Variants in MAPK1IP1L observed in about 807,000 individuals in gnomAD.
MAPK1IP1L encodes the protein MAPK-interacting and spindle-stabilizing protein-like.
A neutral mutation model predicts 18.1 loss-of-function variants in MAPK1IP1L; 10 were observed. The ratio of observed to expected loss-of-function variants is 0.55; its 90% CI spans 0.34 to 0.94. The LOEUF (loss-of-function observed/expected upper bound fraction) is 0.94. Ranked by LOEUF, MAPK1IP1L falls within the 40% of genes least tolerant of loss-of-function variation. The pLI is 0.02. For synonymous variants in MAPK1IP1L, 115 were observed against 117.3 expected, an observed-to-expected ratio of 0.98 and a Z score of 0.13; for missense variants, 260 against 318.2, an observed-to-expected ratio of 0.82 and a Z score of 1.39.
intron 1 of MAPK1IP1L, among the ~76,000 whole-genome samples, chr14:55,057,739 A>G (rs1337553516): frequency 6.6e-6 from 1 of 151,346 alleles, no homozygotes; most frequent in Non-Finnish European, 1.5e-5. Context: ...CTGGCGACAG[A>G]GCGAGACTCC....
chr14:55,055,263 G>A (rs1272736573), intron 1 of MAPK1IP1L, among the ~76,000 whole-genome samples: 3 of 152,154 alleles, frequency 2.0e-5, no homozygotes, highest in East Asian at 1.9e-4. Context: ...TACCAAGCGC[G>A]GCTTAGAATA....
At chr14:55,060,243 C>T (rs866982940) in intron 1 of MAPK1IP1L, 1 of 136,464 alleles carries the variant, frequency 7.3e-6, no homozygotes, top group Non-Finnish European at 1.5e-5. Flanking sequence ...GCAATCTCGG[C>T]TCACTGCAAG....
At chr14:55,057,527 G>A (rs1333390812) in intron 1 of MAPK1IP1L, among the ~76,000 whole-genome samples, 4 of 152,134 alleles carry the variant, frequency 2.6e-5, no homozygotes, top group Non-Finnish European at 4.4e-5. Flanking sequence ...GGGAGGCCAA[G>A]GTGGGCGGAT....
intron 1 of MAPK1IP1L, chr14:55,060,895 G>C (rs1428256056): frequency 2.6e-5 from 4 of 152,180 alleles, no homozygotes; most frequent in Non-Finnish European, 5.9e-5. Flanking sequence ...CCAATACTTT[G>C]GGAGGCTGAG....
chr14:55,056,778 G>A (rs997820971), intron 1 of MAPK1IP1L, among the ~76,000 whole-genome samples: 1 of 152,088 alleles, frequency 6.6e-6, no homozygotes, highest in Non-Finnish European at 1.5e-5. Flanking sequence ...CAAAGTGCTG[G>A]GATTACAGGC....
intron 1 of MAPK1IP1L, among the ~76,000 whole-genome samples, chr14:55,058,040 C>T (rs928528380): frequency 2.0e-5 from 3 of 152,174 alleles, no homozygotes; most frequent in Admixed American, 1.3e-4. Context: ...TGGCTGGAGC[C>T]TTTCTTGGCA....
At chr14:55,060,297 A>T (rs2042807568) in intron 1 of MAPK1IP1L, 2 of 150,118 alleles carry the variant, frequency 1.3e-5, no homozygotes, top group African/African-American at 4.9e-5. Context: ...TCAGCCTCCC[A>T]AGTAGCTGGG....
intron 2 of MAPK1IP1L, 29 bp from the exon 3 acceptor site, chr14:55,062,589 A>G: frequency 1.3e-6 from 2 of 1,559,496 alleles, no homozygotes; most frequent in Non-Finnish European, 1.7e-6. Flanking sequence ...TTCCCTAGAT[A>G]GGAAAGACGT....
In MAPK1IP1L at chr14:55,065,788, T is replaced by C. The variant is rs143268306; in HGVS notation, c.*1161T>C. On this transcript the variant is annotated 3_prime_UTR_variant, in exon 4 of 4. Transcript: ENST00000395468. ...CTACTGCATAGTTTCCTGAGTCTGTTTGTAAAGTGCTTATGGCTAACAGTT... is the reference window on the plus strand; with the variant it reads ...CTACTGCATAGTTTCCTGAGTCTGTCTGTAAAGTGCTTATGGCTAACAGTT... The C allele has an allele frequency of 3.5e-4, 53 of 152,350 alleles. No homozygotes were observed. Among genetic ancestry groups the C allele is most frequent in the African/African-American group, 1.0e-3 (43 of 41,592 alleles). The allele number at this position is 152,350 out of a possible 1,614,324, so 9.4% of individuals were successfully genotyped here. A position where few individuals can be genotyped will look rare whatever the true frequency, so the allele number is the denominator to read the frequency against.
At chr14:55,061,357 AG>A in intron 1 of MAPK1IP1L, among the ~76,000 whole-genome samples, 1 of 152,348 alleles carries the variant, frequency 6.6e-6, no homozygotes, top group South Asian at 2.1e-4. Context: ...TCCTGGTGTT[AG>A]ATTCTCACAC....
chr14:55,061,009 G>C (rs563314185), intron 1 of MAPK1IP1L, among the ~76,000 whole-genome samples: 1 of 151,990 alleles, frequency 6.6e-6, no homozygotes, highest in Non-Finnish European at 1.5e-5. Context: ...AATTTGCTGG[G>C]CATGATGGCA....
intron 3 of MAPK1IP1L, 24 bp from the exon 4 acceptor site, chr14:55,064,592 G>T: frequency 6.2e-7 from 1 of 1,611,558 alleles, no homozygotes; most frequent in South Asian, 1.1e-5. Flanking sequence ...TCTAGAAGTT[G>T]ACTTTTTCTT....
Position 55,063,085 on chromosome 14 carries a change from T to C in MAPK1IP1L, c.486T>C (p.Pro162=). ...PWAPGMGGQY[P]TPNMPYPSPG... is the part of the protein sequence containing the mutation. ...CGCCAGGAATGGGAGGGCAGTATCCTACCCCTAATATGCCATATCCATCTC... is the reference window on the plus strand; with the variant it reads ...CGCCAGGAATGGGAGGGCAGTATCCCACCCCTAATATGCCATATCCATCTC... Residue 162 remains proline (P), a synonymous_variant, in exon 3 of 4, where the codon CCT becomes CCC. Coordinates refer to ENST00000395468, the MANE Select transcript of MAPK1IP1L (RefSeq NM_144578.4). The C allele has an allele frequency of 1.2e-6, 2 of 1,613,392 alleles. No homozygotes were observed. The highest frequency in any genetic ancestry group is 1.7e-6 in the Non-Finnish European group (2 of 1,179,998).
intron 1 of MAPK1IP1L, among the ~76,000 whole-genome samples, chr14:55,059,225 G>GAAAAAAAAAAAAAAAAAAAGAAAAAACT: frequency 1.6e-5 from 1 of 63,280 alleles, no homozygotes; most frequent in Non-Finnish European, 3.1e-5. Context: ...AGGAAAATCT[G>GAAAAAAAAAAAAAAAAAAAGAAAAAACT]AAAAAAAAAA....
rs1466341717 is a variant in MAPK1IP1L at position 55,069,069 on chromosome 14, A to G, written c.*4442A>G. On this transcript the variant is annotated 3_prime_UTR_variant, in exon 4 of 4. Transcript: ENST00000395468. ...GATTGTAGTGTTGATCAGCGCAACA[A>G]TTCAAGTGTGCAAAGTAACAGGATA... 6.6e-6 allele frequency: 1 copy of G among 152,020 alleles called. No homozygotes were observed. The highest frequency in any genetic ancestry group is 2.4e-5 in the African/African-American group (1 of 41,380). 9.4% of individuals were successfully genotyped at this position (152,020 alleles called of 1,614,324 possible).
At chr14:55,063,710 G>C (rs1407450874) in intron 3 of MAPK1IP1L, 1 of 164,050 alleles carries the variant, frequency 6.1e-6, no homozygotes. Context: ...GTCTCTACCT[G>C]TCTAGCTTGA....
rs536050159 is a variant in MAPK1IP1L at position 55,067,676 on chromosome 14, T to C, written c.*3049T>C. 1 of 152,208 alleles carries C rather than the reference T, an allele frequency of 6.6e-6. No homozygotes were observed. Among genetic ancestry groups the C allele is most frequent in the Non-Finnish European group, 1.5e-5 (1 of 68,042 alleles). The allele number at this position is 152,208 out of a possible 1,614,324, so 9.4% of individuals were successfully genotyped here. ...CCTCAGCCTCCCAAAGTGCTGAGAT[T>C]ACAGGCGTGAGCCACCATGCGTGAC... On this transcript the variant is annotated 3_prime_UTR_variant, in exon 4 of 4. Coordinates refer to ENST00000395468, the MANE Select transcript of MAPK1IP1L (RefSeq NM_144578.4).
At chr14:55,061,540 A>G (rs1231971456) in intron 1 of MAPK1IP1L, 140 bp from the exon 2 acceptor site, 17 of 626,736 alleles carry the variant, frequency 2.7e-5, no homozygotes, top group Non-Finnish European at 3.8e-5. Flanking sequence ...TCCTATGTAA[A>G]GAAAAACACA....
chr14:55,052,217 C>G (rs1042657847), intron 1 of MAPK1IP1L, among the ~76,000 whole-genome samples: 3 of 151,972 alleles, frequency 2.0e-5, no homozygotes, highest in African/African-American at 4.8e-5. Flanking sequence ...AAACGGCTGC[C>G]GGCCTCGCGC....
Sources: allele counts gnomAD v4.1 joint callset (sites outside exome capture counted in the v4.1 genomes callset), GRCh38; gene constraint gnomAD v4.1.1; transcripts MANE v1.5; gene names NCBI Gene and HGNC (gene_info 2026-07-23, HGNC 2026-07-21).